Variants in C12orf54 observed in about 807,000 individuals in gnomAD.
C12orf54 encodes uncharacterized protein C12orf54.
A neutral mutation model predicts 26.4 loss-of-function variants in C12orf54; 24 were observed. The observed-to-expected ratio is 0.91, with a 90% confidence interval of 0.66 to 1.28. C12orf54 has a LOEUF of 1.28. Among genes scored for constraint, C12orf54 ranks in the 50% most tolerant of loss-of-function variants. C12orf54 has a pLI of 0.00. For missense variants in C12orf54, 154 were observed against 150.9 expected, an observed-to-expected ratio of 1.02 and a Z score of -0.11; for synonymous variants, 54 against 47.0, an observed-to-expected ratio of 1.15 and a Z score of -0.61.
At chr12:48,453,680 TCCTCAA>T in the C12orf54 span, among the ~76,000 whole-genome samples, 1 of 148,208 alleles carries the variant, frequency 6.7e-6, no homozygotes, top group African/African-American at 2.4e-5. Context: ...CCAGGATTTA[TCCTCAA>T]GTTTATTTAA....
At chr12:48,456,633 T>C in the C12orf54 span, among the ~76,000 whole-genome samples, 1 of 152,208 alleles carries the variant, frequency 6.6e-6, no homozygotes, top group East Asian at 1.9e-4. Flanking sequence ...AAAATGGCTT[T>C]GACAATTGTT....
chr12:48,460,672 G>A, the C12orf54 span, among the ~76,000 whole-genome samples: 1 of 152,060 alleles, frequency 6.6e-6, no homozygotes, highest in South Asian at 2.1e-4. Flanking sequence ...GGGATAAATG[G>A]AAGCATATTG....
the C12orf54 span, among the ~76,000 whole-genome samples, chr12:48,455,894 A>G: frequency 1.3e-5 from 2 of 152,230 alleles, no homozygotes; most frequent in Non-Finnish European, 2.9e-5. Context: ...ACTAACAATC[A>G]TAGTAACTAC....
At chr12:48,457,046 G>T in the C12orf54 span, among the ~76,000 whole-genome samples, 3 of 152,078 alleles carry the variant, frequency 2.0e-5, no homozygotes, top group Non-Finnish European at 4.4e-5. Context: ...CCTAAATCAT[G>T]CATTAAGTTT....
chr12:48,453,979 G>T, the C12orf54 span, among the ~76,000 whole-genome samples: 5 of 151,962 alleles, frequency 3.3e-5, no homozygotes, highest in Non-Finnish European at 7.4e-5. Context: ...TAACTTTGGA[G>T]CATCAGGATA....
chr12:48,439,699 A>C, the C12orf54 span, among the ~76,000 whole-genome samples: 2 of 152,172 alleles, frequency 1.3e-5, no homozygotes, highest in Non-Finnish European at 2.9e-5. Context: ...TTGAACAATG[A>C]GAACACATGG....
intron 6 of C12orf54, among the ~76,000 whole-genome samples, 166 bp downstream of exon 6, chr12:48,491,002 G>A (rs544632210): frequency 9.9e-5 from 15 of 152,272 alleles, no homozygotes; most frequent in East Asian, 5.8e-4. Flanking sequence ...GCTTACAGCC[G>A]GAGTCCATGT....
rs371373533 is a variant in C12orf54 at position 48,488,943 on chromosome 12, A to G, written c.155A>G (p.Asp52Gly). ...TGTCAGGTGCTGACAGTTTTTAAGG[A>G]TATACAAAAGGAGGTGAGATTAGAT... ...LWDQVLTVFK[D>G]IQKELQEDAR... Residue 52 changes from aspartate to glycine, a missense_variant, in exon 5 of 9, where the codon GAT (aspartate) becomes GGT (glycine). By Grantham distance (94) the Asp-to-Gly change is moderately conservative (BLOSUM62 -1). Transcript: ENST00000548364. The G allele has an allele frequency of 6.2e-6, 10 of 1,611,194 alleles. No homozygotes were observed. The highest frequency in any genetic ancestry group is 8.5e-6 in the Non-Finnish European group (10 of 1,177,596).
At chr12:48,419,385 G>T in the C12orf54 span, among the ~76,000 whole-genome samples, 2 of 152,090 alleles carry the variant, frequency 1.3e-5, no homozygotes, top group Non-Finnish European at 2.9e-5. Flanking sequence ...TCTCTCTTGC[G>T]TGGTTTTAAG....
At chr12:48,426,869 G>T in the C12orf54 span, among the ~76,000 whole-genome samples, 1 of 152,010 alleles carries the variant, frequency 6.6e-6, no homozygotes, top group African/African-American at 2.4e-5. Context: ...TGGCTGATAT[G>T]GCTCTCAGCT....
chr12:48,455,548 A>T, the C12orf54 span, among the ~76,000 whole-genome samples: 1 of 152,316 alleles, frequency 6.6e-6, no homozygotes, highest in Admixed American at 6.5e-5. Context: ...TTTGTCAGAG[A>T]CACAACCATA....
At chr12:48,490,242 T>C (rs894358728) in intron 5 of C12orf54, among the ~76,000 whole-genome samples, 2 of 152,234 alleles carry the variant, frequency 1.3e-5, no homozygotes, top group African/African-American at 4.8e-5. Context: ...TGCTCCTATT[T>C]ATTCATTCAC....
chr12:48,461,314 C>T, the C12orf54 span, among the ~76,000 whole-genome samples: 1 of 151,864 alleles, frequency 6.6e-6, no homozygotes, highest in African/African-American at 2.4e-5. Context: ...AATACCCCTT[C>T]AATAATTGAT....
chr12:48,425,091 T>C, the C12orf54 span, among the ~76,000 whole-genome samples: 1 of 152,058 alleles, frequency 6.6e-6, no homozygotes, highest in Non-Finnish European at 1.5e-5. Flanking sequence ...TTTTAAACTT[T>C]TATTTTAGGT....
the C12orf54 span, among the ~76,000 whole-genome samples, chr12:48,418,046 A>C: frequency 6.6e-6 from 1 of 152,214 alleles, no homozygotes; most frequent in Non-Finnish European, 1.5e-5. Context: ...TAGAAAACAG[A>C]CCATAGCATT....
upstream of C12orf54, among the ~76,000 whole-genome samples, chr12:48,480,719 G>T (rs369136612): frequency 6.6e-6 from 1 of 152,058 alleles, no homozygotes; most frequent in Non-Finnish European, 1.5e-5. Flanking sequence ...TATACCCAAA[G>T]GAAAATTAAT....
the C12orf54 span, among the ~76,000 whole-genome samples, chr12:48,437,747 G>A: frequency 5.3e-5 from 8 of 152,162 alleles, no homozygotes; most frequent in South Asian, 2.1e-4. Context: ...TTGATGGGAC[G>A]TATCTCAAAA....
In C12orf54 at chr12:48,494,893, T is replaced by C. The variant is rs750004792; in HGVS notation, c.338T>C (p.Leu113Pro). The C allele has an allele frequency of 6.2e-7, 1 of 1,613,156 alleles. No homozygotes were observed. Among genetic ancestry groups the C allele is most frequent in the South Asian group, 1.1e-5 (1 of 91,070 alleles). ...EQPSGGRIHN[L>P]KTQLFSQSAY... ...CCATCAGGAGGCCGTATCCACAACC[T>C]GAAGACACAGCTCTTCAGTCAATCA... Residue 113 changes from leucine (L) to proline (P), a missense_variant, in exon 8 of 9, where the codon CTG (leucine) becomes CCG (proline). Leu to Pro is a moderately conservative substitution (Grantham distance 98). Coordinates refer to ENST00000548364, the MANE Select transcript of C12orf54 (RefSeq NM_152319.4).
At chr12:48,438,994 G>A in the C12orf54 span, among the ~76,000 whole-genome samples, 8 of 152,078 alleles carry the variant, frequency 5.3e-5, no homozygotes, top group South Asian at 2.1e-4. Context: ...GAAAATTTTT[G>A]CAACCTACTC....
Sources: allele counts gnomAD v4.1 joint callset (sites outside exome capture counted in the v4.1 genomes callset), GRCh38; gene constraint gnomAD v4.1.1; transcripts MANE v1.5; gene names NCBI Gene and HGNC (gene_info 2026-07-23, HGNC 2026-07-21).